ADCY2: variants seen among roughly 807,000 people sequenced by gnomAD.
ADCY2 encodes the protein adenylate cyclase type 2.
Under a neutral mutation model 125.2 loss-of-function variants are expected in ADCY2, and 31 were observed. The ratio of observed to expected loss-of-function variants is 0.25; its 90% CI spans 0.19 to 0.33. ADCY2 has a LOEUF of 0.33. ADCY2 is among the 10% of genes least tolerant of loss of function. The pLI is 1.00. For synonymous variants in ADCY2, 512 were observed against 548.4 expected, an observed-to-expected ratio of 0.93 and a Z score of 0.93; for missense variants, 904 against 1,418.2, an observed-to-expected ratio of 0.64 and a Z score of 5.82.
intron 2 of ADCY2, among the ~76,000 whole-genome samples, chr5:7,418,762 TCTC>T (rs1740067008): frequency 6.7e-6 from 1 of 148,292 alleles, no homozygotes; most frequent in Admixed American, 6.8e-5. Flanking sequence ...TTCAAGCAGT[TCTC>T]CTGCCTCAGC....
At chr5:7,724,000 A>C (rs1208336258) in intron 12 of ADCY2, among the ~76,000 whole-genome samples, 1 of 150,532 alleles carries the variant, frequency 6.6e-6, no homozygotes, top group Non-Finnish European at 1.5e-5. Context: ...AATGAAAAAA[A>C]TGACAATGAA....
intron 4 of ADCY2, among the ~76,000 whole-genome samples, chr5:7,670,682 G>T (rs2126703690): frequency 6.6e-6 from 1 of 152,240 alleles, no homozygotes; most frequent in Middle Eastern, 3.4e-3. Flanking sequence ...GGATGAAACT[G>T]TTCACCCTCA....
At chr5:7,690,621 C>G (rs1740673591) in intron 4 of ADCY2, 70 bp from the exon 5 acceptor site, 1 of 1,343,862 alleles carries the variant, frequency 7.4e-7, no homozygotes, top group South Asian at 2.1e-5. Flanking sequence ...CAGTGAGGAT[C>G]TCCAATGTTA....
intron 7 of ADCY2, 110 bp from the exon 8 acceptor site, chr5:7,706,633 AT>A: frequency 7.6e-7 from 1 of 1,311,730 alleles, no homozygotes; most frequent in South Asian, 1.3e-5. Context: ...GTTTATGGTC[AT>A]TTCCGACAGT....
intron 3 of ADCY2, among the ~76,000 whole-genome samples, chr5:7,600,088 T>C (rs537976077): frequency 6.6e-6 from 1 of 152,290 alleles, no homozygotes; most frequent in South Asian, 2.1e-4. Context: ...CTGGGTTCTA[T>C]GTGGGATGGA....
At chr5:7,483,956 A>G (rs917331821) in intron 2 of ADCY2, among the ~76,000 whole-genome samples, 1 of 152,180 alleles carries the variant, frequency 6.6e-6, no homozygotes, top group African/African-American at 2.4e-5. Context: ...TGAAAATCTT[A>G]TGTTATTGAG....
chr5:7,519,523 G>T (rs946310350), intron 2 of ADCY2, among the ~76,000 whole-genome samples: 2 of 152,162 alleles, frequency 1.3e-5, no homozygotes, highest in Non-Finnish European at 1.5e-5. Context: ...CTTCCAACTG[G>T]ATTGTTCACC....
At chr5:7,589,498 G>GAAAGAAAGAAAGAAAGAA (rs1579604884) in intron 3 of ADCY2, among the ~76,000 whole-genome samples, 3 of 51,660 alleles carry the variant, frequency 5.8e-5, no homozygotes, top group Non-Finnish European at 1.5e-4. Flanking sequence ...AAGAAAGAAA[G>GAAAGAAAGAAAGAAAGAA]AAAGAAAGAA....
At chr5:7,749,599 T>C (rs1742737681) in intron 15 of ADCY2, 2 of 152,188 alleles carry the variant, frequency 1.3e-5, no homozygotes, top group Non-Finnish European at 2.9e-5. Flanking sequence ...TACCTTTCTA[T>C]GATAAATACA....
chr5:7,587,462 T>C (rs1447688948), intron 3 of ADCY2, among the ~76,000 whole-genome samples: 1 of 152,224 alleles, frequency 6.6e-6, no homozygotes, highest in African/African-American at 2.4e-5. Context: ...CTATTATAAA[T>C]ATCATACATG....
At chr5:7,638,044 C>T (rs1222697463) in intron 4 of ADCY2, among the ~76,000 whole-genome samples, 8 of 152,208 alleles carry the variant, frequency 5.3e-5, no homozygotes, top group Non-Finnish European at 8.8e-5. Flanking sequence ...ATGGGTTAAA[C>T]GTGAGAAAGC....
At chr5:7,758,193 A>G (rs986138137) in intron 16 of ADCY2, among the ~76,000 whole-genome samples, 1 of 152,210 alleles carries the variant, frequency 6.6e-6, no homozygotes, top group Non-Finnish European at 1.5e-5. Context: ...AGGTGGTTCT[A>G]AGGATTCAAT....
intron 3 of ADCY2, among the ~76,000 whole-genome samples, chr5:7,578,049 A>G (rs1051560822): frequency 5.9e-5 from 9 of 152,240 alleles, no homozygotes; most frequent in African/African-American, 2.2e-4. Context: ...CAGAAAAGAC[A>G]TCACATTTTC....
intron 3 of ADCY2, among the ~76,000 whole-genome samples, chr5:7,578,302 G>T (rs1736317297): frequency 6.6e-6 from 1 of 152,114 alleles, no homozygotes; most frequent in South Asian, 2.1e-4. Flanking sequence ...GCATTGATGT[G>T]GTGCCAGTGG....
rs113065988 is a variant in ADCY2, at chr5:7,773,205, A to G, written c.2384+104A>G. 6.9e-4 allele frequency: 849 copies of G among 1,230,834 alleles called. 10 individuals are homozygous for G. In the African/African-American group the frequency reaches 0.01, roughly 15 times the overall value. 76.2% of individuals were successfully genotyped at this position (1,230,834 alleles called of 1,614,324 possible). A position where few individuals can be genotyped will look rare whatever the true frequency, so the allele number is the denominator to read the frequency against. ...CAAGTTAGCGATGTCATTGTCATTG[A>G]TAAATCATTCTGAGAGAATTTCTTT... is the stretch of plus-strand genomic sequence containing the variant. On this transcript the variant is annotated intron_variant, in intron 18 of 24. Transcript: ENST00000338316.
chr5:7,822,981 A>T (rs752495233), intron 24 of ADCY2, among the ~76,000 whole-genome samples: 12 of 152,202 alleles, frequency 7.9e-5, no homozygotes, highest in Non-Finnish European at 1.6e-4. Context: ...AATTGACTGC[A>T]CAGACTGGCA....
intron 2 of ADCY2, among the ~76,000 whole-genome samples, chr5:7,450,099 C>G (rs1741419030): frequency 6.6e-6 from 1 of 152,142 alleles, no homozygotes; most frequent in Non-Finnish European, 1.5e-5. Context: ...ACAGTAGCCT[C>G]TAAGTGTTCA....
At position 7,740,101 on chromosome 5, in the gene ADCY2, A is replaced by G. The variant is rs191923116; in HGVS notation, c.1872-3567A>G. Reference sequence around the variant, plus strand: ...GGGCTACAAACCAAAGGCCAAATCTACACCACGTGTAGGAGATCTAGCCGA... The same window carrying G: ...GGGCTACAAACCAAAGGCCAAATCTGCACCACGTGTAGGAGATCTAGCCGA... On this transcript the variant is annotated intron_variant, in intron 14 of 24. Coordinates refer to ENST00000338316, the MANE Select transcript of ADCY2 (RefSeq NM_020546.3). Among the ~76,000 whole-genome samples, 268 of 152,106 alleles carry G rather than the reference A, an allele frequency of 1.8e-3. 1 individual carries two copies. Among genetic ancestry groups the G allele is most frequent in the African/African-American group, 6.0e-3 (251 of 41,580 alleles).
chr5:7,412,880 C>T (rs1441303900), intron 1 of ADCY2, among the ~76,000 whole-genome samples: 3 of 152,200 alleles, frequency 2.0e-5, no homozygotes, highest in Admixed American at 6.5e-5. Context: ...CCTGCCTGCC[C>T]CTACCAGGAT....
Sources: gnomAD v4.1 joint callset for allele counts (sites outside exome capture counted in the v4.1 genomes callset) on GRCh38, gnomAD v4.1.1 for gene constraint, MANE v1.5 for transcripts, NCBI Gene and HGNC (gene_info 2026-07-23, HGNC 2026-07-21) for gene names.